The following GMCL1 variants were observed in gnomAD, a reference collection of about 807,000 sequenced individuals.
The protein encoded by GMCL1 is germ cell-less protein-like 1.
A neutral mutation model predicts 75.5 loss-of-function variants in GMCL1; 54 were observed. The ratio of observed to expected loss-of-function variants is 0.71; its 90% CI spans 0.57 to 0.90. The LOEUF is 0.90. Among genes scored for constraint, GMCL1 ranks in the 40% least tolerant of loss-of-function variants. The pLI is 0.00. For synonymous variants in GMCL1, 210 were observed against 209.6 expected (o/e 1.00, Z -0.02); for missense variants, 537 against 622.7 (o/e 0.86, Z 1.47).
chr2:69,875,561 A>G (rs1265668758), intron 13 of GMCL1, among the ~76,000 whole-genome samples: 1 of 152,096 alleles, frequency 6.6e-6, no homozygotes. Context: ...TTTGTGGACC[A>G]TTGATGTCTT....
intron 9 of GMCL1, among the ~76,000 whole-genome samples, chr2:69,855,527 AAT>A (rs1675446525): frequency 1.3e-5 from 2 of 152,108 alleles, no homozygotes; most frequent in Admixed American, 1.3e-4. Context: ...ATTTACATGT[AAT>A]GTTTGTAGTA....
At position 69,831,194 on chromosome 2, in the gene GMCL1, T is replaced by C. The variant is rs997242371; in HGVS notation, c.260+1042T>C. ...TCAGCCTCCCAAAGTGCTGGAATTA[T>C]AGGCGTGAGCCACTGCGCACCCGGC... is the stretch of plus-strand genomic sequence containing the variant. On this transcript the variant is annotated intron_variant, in intron 1 of 13. Coordinates refer to ENST00000282570, the MANE Select transcript of GMCL1 (RefSeq NM_178439.5). Among the ~76,000 whole-genome samples the C allele has an allele frequency of 5.9e-5, 9 of 152,284 alleles. No individual in the cohort carries two copies. In the South Asian group the frequency reaches 1.2e-3, roughly 21 times the overall value.
intron 7 of GMCL1, among the ~76,000 whole-genome samples, chr2:69,848,820 A>G (rs1382602268): frequency 2.0e-5 from 3 of 152,320 alleles, no homozygotes; most frequent in East Asian, 3.9e-4. Flanking sequence ...TCATTTTACA[A>G]ATGAAGAAAT....
chr2:69,861,230 T>G, intron 9 of GMCL1, 48 bp from the exon 10 acceptor site: 1 of 1,269,626 alleles, frequency 7.9e-7, no homozygotes, highest in Non-Finnish European at 1.1e-6. Context: ...AAATCCTTTA[T>G]GTTCTTCAGT....
In GMCL1 at chr2:69,869,852, G is replaced by C; in HGVS notation, c.1352G>C (p.Ser451Thr). The change falls in exon 12 of 14, where the codon AGC (serine) becomes ACC (threonine). Residue 451 changes from serine (S) to threonine (T), a missense_variant. Coordinates refer to ENST00000282570, the MANE Select transcript of GMCL1 (RefSeq NM_178439.5). Reference protein sequence around the residue: ...SGSVSLQPRRSIAFRLRLASF... With the variant: ...SGSVSLQPRRTIAFRLRLASF... ...TCTGTCAGTTTACAGCCTCGAAGGA[G>C]CATAGCATTTAGGTAGGATGAGATT... 1 of 1,613,538 alleles carries C rather than the reference G, an allele frequency of 6.2e-7. No individual in the cohort carries two copies. Among genetic ancestry groups the C allele is most frequent in the Non-Finnish European group, 8.5e-7 (1 of 1,179,786 alleles).
chr2:69,863,433 A>G (rs1225046635), intron 10 of GMCL1, among the ~76,000 whole-genome samples: 2 of 152,194 alleles, frequency 1.3e-5, no homozygotes, highest in African/African-American at 2.4e-5. Context: ...TCTGGTGTCA[A>G]ATTTCCCTCT....
intron 9 of GMCL1, among the ~76,000 whole-genome samples, chr2:69,859,012 G>A (rs2104008151): frequency 6.6e-6 from 1 of 152,032 alleles, no homozygotes; most frequent in African/African-American, 2.4e-5. Context: ...CAGGTGTGGT[G>A]GCACATGCCT....
chr2:69,856,869 T>C (rs1192752985), intron 9 of GMCL1, among the ~76,000 whole-genome samples: 1 of 152,056 alleles, frequency 6.6e-6, no homozygotes, highest in African/African-American at 2.4e-5. Context: ...CTTATTTTAC[T>C]GTCTATTTCT....
At chr2:69,871,889 T>C (rs1433871694) in intron 13 of GMCL1, 57 bp downstream of exon 13, 1 of 1,100,252 alleles carries the variant, frequency 9.1e-7, no homozygotes, top group African/African-American at 1.6e-5. Flanking sequence ...GAATCCTCTT[T>C]TGAAAATTCT....
chr2:69,837,925 G>A (rs539798785), intron 2 of GMCL1, among the ~76,000 whole-genome samples: 2 of 152,092 alleles, frequency 1.3e-5, no homozygotes, highest in South Asian at 4.1e-4. Context: ...GCTTTTTTCG[G>A]TGCCTTCTGT....
At chr2:69,863,457 T>C (rs1383441828) in intron 10 of GMCL1, among the ~76,000 whole-genome samples, 1 of 152,316 alleles carries the variant, frequency 6.6e-6, no homozygotes, top group East Asian at 1.9e-4. Context: ...CTTCTCCTCA[T>C]AAAACTCTTG....
intron 8 of GMCL1, among the ~76,000 whole-genome samples, chr2:69,850,069 C>G (rs879477937): frequency 2.6e-5 from 4 of 152,150 alleles, no homozygotes; most frequent in Non-Finnish European, 5.9e-5. Flanking sequence ...TTGCATTTGT[C>G]TTGACCACAC....
At chr2:69,847,447 A>T in intron 6 of GMCL1, 96 bp from the exon 7 acceptor site, 1 of 797,310 alleles carries the variant, frequency 1.3e-6, no homozygotes, top group Middle Eastern at 2.3e-4. Context: ...AATTCCACAT[A>T]TTTTTTTACA....
chr2:69,865,111 C>T, intron 11 of GMCL1, 136 bp downstream of exon 11: 1 of 593,028 alleles, frequency 1.7e-6, no homozygotes, highest in Non-Finnish European at 2.9e-6. Flanking sequence ...GCATGATCTG[C>T]TGGGAAAGTA....
intron 13 of GMCL1, among the ~76,000 whole-genome samples, chr2:69,877,117 C>T (rs1485283638): frequency 1.3e-5 from 2 of 152,180 alleles, no homozygotes; most frequent in African/African-American, 4.8e-5. Flanking sequence ...ATGTGGGCTC[C>T]ACAGATTCCA....
chr2:69,857,451 T>C (rs998364329), intron 9 of GMCL1, among the ~76,000 whole-genome samples: 1 of 152,238 alleles, frequency 6.6e-6, no homozygotes, highest in African/African-American at 2.4e-5. Context: ...TTATTTCTCT[T>C]TTTCATTTCC....
At position 69,871,530 on chromosome 2, in the gene GMCL1, A is replaced by G. The variant is rs141569200; in HGVS notation, c.1365-215A>G. On this transcript the variant is annotated intron_variant, in intron 12 of 13. Coordinates refer to ENST00000282570, the MANE Select transcript of GMCL1 (RefSeq NM_178439.5). ...TAAATGTTACGTATATTTTACCACA[A>G]TAAAAACATTTATAAATGATTTCTC... is the stretch of plus-strand genomic sequence containing the variant. 9.8e-5 allele frequency among the ~76,000 whole-genome samples: 15 copies of G among 152,324 alleles called. No homozygotes were observed. In the East Asian group the frequency reaches 2.9e-3, roughly 29 times the overall value.
intron 9 of GMCL1, among the ~76,000 whole-genome samples, chr2:69,855,274 A>G (rs988667289): frequency 7.2e-5 from 11 of 152,016 alleles, no homozygotes; most frequent in African/African-American, 2.7e-4. Flanking sequence ...TGACTTTTGA[A>G]GTATTTAAAG....
At position 69,864,922 on chromosome 2, in the gene GMCL1, G is replaced by C. The variant is rs1340120955; in HGVS notation, c.1165G>C (p.Glu389Gln). The change falls in exon 11 of 14, where the codon GAA becomes CAA. Residue 389 changes from glutamate to glutamine, a missense_variant. Physicochemically the swap from Glu to Gln is conservative, Grantham distance 29 (BLOSUM62 2). This residue lies in a region of GMCL1 where 345 missense variants were observed against 410.5 expected (regional missense o/e 0.84). Transcript: ENST00000282570. ...EVGPQEINKE[E>Q]LEGNSMRCGR... is the part of the protein sequence containing the mutation. ...TAGGCCTCAAGAAATCAATAAAGAA[G>C]AACTAGAGGGAAACAGCATGAGGTG... is the stretch of plus-strand genomic sequence containing the variant. The C allele has an allele frequency of 2.0e-5, 33 of 1,612,638 alleles. No homozygotes were observed. The highest frequency in any genetic ancestry group is 2.8e-5 in the Non-Finnish European group (33 of 1,178,902).
Sources: allele counts gnomAD v4.1 joint callset (sites outside exome capture counted in the v4.1 genomes callset), GRCh38; gene constraint gnomAD v4.1.1; regional missense constraint gnomAD v4.1.1; transcripts MANE v1.5; gene names NCBI Gene and HGNC (gene_info 2026-07-23, HGNC 2026-07-21).